The following SLC24A1 variants were observed in gnomAD, a reference collection of about 807,000 sequenced individuals.
SLC24A1 encodes the protein sodium/potassium/calcium exchanger 1.
Under a neutral mutation model 88.1 loss-of-function variants are expected in SLC24A1, and 52 were observed. The observed-to-expected ratio is 0.59, with a 90% CI of 0.47 to 0.74. The LOEUF is 0.74. Among genes scored for constraint, SLC24A1 ranks in the 30% least tolerant of loss-of-function variants. The pLI is 0.00. For synonymous variants in SLC24A1, 455 were observed against 498.0 expected (o/e 0.91, Z 1.15); for missense variants, 1,173 against 1,363.3 (o/e 0.86, Z 2.20).
At chr15:65,659,248 C>T (rs2075771167), downstream of SLC24A1, 1 of 148,888 alleles carries the variant, frequency 6.7e-6, no homozygotes, top group South Asian at 2.1e-4. Flanking sequence ...GGCCATTATT[C>T]TCCAAAATGT....
chr15:65,654,644 A>T lies in SLC24A1; in HGVS notation c.*565A>T. On this transcript the variant is annotated 3_prime_UTR_variant, in exon 10 of 10. Transcript: ENST00000261892. ...AGGCTACAGAAAAAAAAGAAATATA[A>T]CAGGAATTAATGATCATTCCACGTT... 1 of 1,269,348 alleles carries T rather than the reference A, an allele frequency of 7.9e-7. No homozygotes were observed. The allele number at this position is 1,269,348 out of a possible 1,614,324, so 78.6% of individuals were successfully genotyped here.
intron 6 of SLC24A1, among the ~76,000 whole-genome samples, chr15:65,646,612 G>C (rs986437930): frequency 6.6e-6 from 1 of 151,928 alleles, no homozygotes; most frequent in Non-Finnish European, 1.5e-5. Flanking sequence ...CTTGGATTCT[G>C]AGCCTGCTAG....
intron 7 of SLC24A1, 119 bp from the exon 8 acceptor site, chr15:65,651,551 A>G (rs2075505740): frequency 3.0e-6 from 2 of 664,196 alleles, no homozygotes; most frequent in Admixed American, 4.2e-5. Context: ...AAATGTCTCC[A>G]TTTTGCCTCC....
chr15:65,644,653 T>C (rs2075246362), intron 5 of SLC24A1, 140 bp downstream of exon 5: 1 of 637,786 alleles, frequency 1.6e-6, no homozygotes, highest in East Asian at 2.7e-5. Flanking sequence ...TCAGTTAGAG[T>C]GATGGTAGGG....
downstream of SLC24A1, chr15:65,658,551 G>A (rs919000610): frequency 2.0e-5 from 3 of 152,132 alleles, no homozygotes; most frequent in African/African-American, 7.2e-5. Flanking sequence ...GAAATGTTTC[G>A]GACCAGAAGT....
At chr15:65,630,038 C>T (rs956163310) in intron 2 of SLC24A1, among the ~76,000 whole-genome samples, 1 of 152,212 alleles carries the variant, frequency 6.6e-6, no homozygotes, top group Non-Finnish European at 1.5e-5. Context: ...AAGCACGACT[C>T]ACTACAGCCT....
At chr15:65,641,189 A>G (rs1192754347) in intron 4 of SLC24A1, among the ~76,000 whole-genome samples, 1 of 152,168 alleles carries the variant, frequency 6.6e-6, no homozygotes, top group African/African-American at 2.4e-5. Flanking sequence ...CCTGGGCAAC[A>G]TGGTGAAACC....
At chr15:65,617,422 T>C (rs1486575564), upstream of SLC24A1, among the ~76,000 whole-genome samples, 1 of 152,228 alleles carries the variant, frequency 6.6e-6, no homozygotes, top group Non-Finnish European at 1.5e-5. Context: ...GGTTTGTAGT[T>C]CTCCTTGAGG....
Position 65,624,697 on chromosome 15 carries a change from T to A in SLC24A1, c.617T>A (p.Met206Lys). ...GGCACTTACGTGCCGTCCACATTCA[T>A]GACAATGGAAACAAGCCATGCGATC... ...RVGTYVPSTF[M>K]TMETSHAITP... is the part of the protein sequence containing the mutation. The change falls in exon 2 of 10, where the codon ATG becomes AAG. Residue 206 changes from methionine (M) to lysine (K), a missense_variant. Physicochemically the swap from Met to Lys is moderately conservative, Grantham distance 95. Coordinates refer to ENST00000261892, the MANE Select transcript of SLC24A1 (RefSeq NM_004727.3). The A allele has an allele frequency of 6.2e-7, 1 of 1,608,336 alleles. No homozygotes were observed.
At position 65,625,351 on chromosome 15, in the gene SLC24A1, C is replaced by A. The variant is rs919442711; in HGVS notation, c.1271C>A (p.Pro424His). ...CTCCCAGAGGAGCTCAGTCCTAGTC[C>A]CTCAGTGCTGCCTCCCAGCTTGCCA... is the stretch of plus-strand genomic sequence containing the variant. ...ALLPEELSPS[P>H]SVLPPSLPDL... Residue 424 changes from proline to histidine, a missense_variant, in exon 2 of 10, where the codon CCC becomes CAC. Coordinates refer to ENST00000261892, the MANE Select transcript of SLC24A1 (RefSeq NM_004727.3). The A allele has an allele frequency of 4.3e-6, 7 of 1,614,034 alleles. No individual in the cohort carries two copies. The South Asian group carries it at 6.6e-5, about 15-fold the overall frequency.
At chr15:65,658,784 G>A (rs1270670841), downstream of SLC24A1, among the ~76,000 whole-genome samples, 1 of 152,128 alleles carries the variant, frequency 6.6e-6, no homozygotes, top group Non-Finnish European at 1.5e-5. Flanking sequence ...CTTGCTGGTT[G>A]CACTTAAGTA....
chr15:65,621,478 A>G (rs114531840), upstream of SLC24A1, among the ~76,000 whole-genome samples: 553 of 152,294 alleles, frequency 3.6e-3, 3 homozygotes, highest in African/African-American at 0.013. Flanking sequence ...TGTTTTCTCT[A>G]TAATCTTTGT....
chr15:65,624,302 G>A lies in SLC24A1; in HGVS notation c.222G>A (p.Met74Ile). ...SRDLSSEEMMMMSSSPSKPSS... is the reference protein window; with the variant it reads ...SRDLSSEEMMIMSSSPSKPSS... ...ACCTCTCCAGTGAAGAGATGATGAT[G>A]ATGAGCAGCAGCCCTTCAAAACCTA... The change falls in exon 2 of 10, where the codon ATG becomes ATA. Residue 74 changes from methionine to isoleucine, a missense_variant. Physicochemically the swap from Met to Ile is conservative, Grantham distance 10. Coordinates refer to ENST00000261892, the MANE Select transcript of SLC24A1 (RefSeq NM_004727.3). 6.2e-7 allele frequency: 1 copy of A among 1,613,792 alleles called. No homozygotes were observed. Among genetic ancestry groups the A allele is most frequent in the Non-Finnish European group, 8.5e-7 (1 of 1,179,796 alleles).
intron 3 of SLC24A1, among the ~76,000 whole-genome samples, chr15:65,639,361 T>A (rs1485277441): frequency 2.0e-5 from 3 of 152,052 alleles, no homozygotes; most frequent in African/African-American, 7.3e-5. Flanking sequence ...TGTGGAGACG[T>A]TGGGAAATTA....
At chr15:65,622,405 A>G (rs1297421066) in intron 1 of SLC24A1, among the ~76,000 whole-genome samples, 2 of 152,064 alleles carry the variant, frequency 1.3e-5, no homozygotes, top group Non-Finnish European at 2.9e-5. Context: ...AAGAAAGGGG[A>G]GTTAGGAGGC....
chr15:65,644,397 G>A lies in SLC24A1; in HGVS notation c.2054-30G>A. 7 of 1,465,912 alleles carry A rather than the reference G, an allele frequency of 4.8e-6. No individual in the cohort carries two copies. In the African/African-American group the frequency reaches 7.0e-5, roughly 15 times the overall value. The allele number at this position is 1,465,912 out of a possible 1,614,324, so 90.8% of individuals were successfully genotyped here. A position where few individuals can be genotyped will look rare whatever the true frequency, so the allele number is the denominator to read the frequency against. ...TGGCAGGGATGATCCTACAATTCCA[G>A]GTAAGATGTATGTCCTGTCTCATTT... On this transcript the variant is annotated intron_variant, in intron 4 of 9. Transcript: ENST00000261892.
intron 2 of SLC24A1, among the ~76,000 whole-genome samples, chr15:65,633,046 T>G (rs1016083323): frequency 6.6e-6 from 1 of 152,156 alleles, no homozygotes; most frequent in African/African-American, 2.4e-5. Context: ...CAGGGAAGGC[T>G]TCCTAGGGGA....
intron 5 of SLC24A1, 130 bp from the exon 6 acceptor site, chr15:65,645,482 A>G: frequency 1.4e-6 from 1 of 721,704 alleles, no homozygotes; most frequent in East Asian, 2.7e-5. Context: ...ACCAACAAGA[A>G]ATTCCCCCAA....
rs777291212 is a variant in SLC24A1, at chr15:65,655,425, C to T, written c.*1346C>T. On this transcript the variant is annotated 3_prime_UTR_variant, in exon 10 of 10. Coordinates refer to ENST00000261892, the MANE Select transcript of SLC24A1 (RefSeq NM_004727.3). ...ACATGGTGAGAAAAGTGCAGTACTA[C>T]TTCCAAGGTAGCTAGTGTAAAGGAC... is the stretch of plus-strand genomic sequence containing the variant. The T allele has an allele frequency of 1.0e-6, 1 of 985,262 alleles. No individual in the cohort carries two copies. The highest frequency in any genetic ancestry group is 1.2e-6 in the Non-Finnish European group (1 of 829,880). The allele number at this position is 985,262 out of a possible 1,614,324, so 61.0% of individuals were successfully genotyped here.
Sources: allele counts gnomAD v4.1 joint callset (sites outside exome capture counted in the v4.1 genomes callset), GRCh38; gene constraint gnomAD v4.1.1; transcripts MANE v1.5; gene names NCBI Gene and HGNC (gene_info 2026-07-23, HGNC 2026-07-21).